Variants in GRIK1 observed in about 807,000 individuals in gnomAD.
GRIK1 encodes the protein glutamate ionotropic receptor kainate type subunit 1.
A neutral mutation model predicts 105.7 loss-of-function variants in GRIK1; 69 were observed. The ratio of observed to expected loss-of-function variants is 0.65; its 90% CI spans 0.54 to 0.80. The LOEUF (loss-of-function observed/expected upper bound fraction) is 0.80. GRIK1 is among the 30% of genes least tolerant of loss of function. GRIK1 has a pLI of 0.00. For synonymous variants in GRIK1, 438 were observed against 431.3 expected (o/e 1.02, Z -0.19); for missense variants, 1,109 against 1,167.3 (o/e 0.95, Z 0.73).
rs190755261 is a variant in GRIK1, at chr21:29,778,981, A to C, written c.119-84918T>G. 2.6e-5 allele frequency among the ~76,000 whole-genome samples: 4 copies of C among 152,334 alleles called. No individual in the cohort carries two copies. In the East Asian group the frequency reaches 7.7e-4, roughly 29 times the overall value. ...AATATTTTAAGGTCCTCTTCCTTGA[A>C]ATCTTCTATTTCGAATTGTGAGATA... On this transcript the variant is annotated intron_variant, in intron 1 of 17. Transcript: ENST00000327783.
At chr21:29,832,341 T>C (rs546024269) in intron 1 of GRIK1, among the ~76,000 whole-genome samples, 1 of 152,204 alleles carries the variant, frequency 6.6e-6, no homozygotes, top group Non-Finnish European at 1.5e-5. Context: ...CACTAGGTAT[T>C]GCCCTGGTGG....
chr21:29,742,197 A>G (rs1010654064), intron 1 of GRIK1, among the ~76,000 whole-genome samples: 3 of 152,222 alleles, frequency 2.0e-5, no homozygotes, highest in Admixed American at 6.5e-5. Context: ...ATTGAGTTCA[A>G]TTTATTTCTG....
At chr21:29,902,779 T>A (rs1321351441) in intron 1 of GRIK1, among the ~76,000 whole-genome samples, 1 of 151,980 alleles carries the variant, frequency 6.6e-6, no homozygotes, top group South Asian at 2.1e-4. Flanking sequence ...TGGAAAAAAC[T>A]ACTTTAAACT....
At chr21:29,625,636 T>C (rs1351649282) in intron 7 of GRIK1, among the ~76,000 whole-genome samples, 1 of 152,178 alleles carries the variant, frequency 6.6e-6, no homozygotes. Context: ...CCCCCATATC[T>C]GTTATAATGT....
intron 1 of GRIK1, among the ~76,000 whole-genome samples, chr21:29,903,379 T>C (rs552215098): frequency 9.3e-4 from 141 of 152,092 alleles, no homozygotes; most frequent in Non-Finnish European, 1.9e-3. Flanking sequence ...TTTCAATCTA[T>C]CCATCTGACA....
intron 7 of GRIK1, among the ~76,000 whole-genome samples, chr21:29,637,852 G>A (rs573734807): frequency 6.6e-6 from 1 of 152,326 alleles, no homozygotes; most frequent in South Asian, 2.1e-4. Flanking sequence ...GAACAATCAT[G>A]TGTGTGGTCT....
intron 1 of GRIK1, among the ~76,000 whole-genome samples, chr21:29,798,416 A>G (rs769594578): frequency 2.8e-4 from 42 of 152,248 alleles, no homozygotes; most frequent in Non-Finnish European, 4.6e-4. Context: ...GTTTAGCATA[A>G]CTTTAAACAC....
intron 10 of GRIK1, among the ~76,000 whole-genome samples, chr21:29,590,227 T>C (rs1054796496): frequency 2.0e-5 from 3 of 152,182 alleles, no homozygotes; most frequent in African/African-American, 4.8e-5. Context: ...ATAGAGAAAG[T>C]AGTAACCAGA....
chr21:29,745,247 A>T (rs1019818144), intron 1 of GRIK1, among the ~76,000 whole-genome samples: 7 of 152,184 alleles, frequency 4.6e-5, no homozygotes, highest in African/African-American at 1.7e-4. Context: ...AACGATCCTC[A>T]AGACTTGAAT....
intron 1 of GRIK1, among the ~76,000 whole-genome samples, chr21:29,938,419 G>T (rs1275720315): frequency 1.3e-5 from 2 of 152,218 alleles, no homozygotes; most frequent in Non-Finnish European, 2.9e-5. Flanking sequence ...GAGATTCAGC[G>T]AACAATAACT....
chr21:29,884,478 G>A (rs1294312173), intron 1 of GRIK1, among the ~76,000 whole-genome samples: 1 of 151,900 alleles, frequency 6.6e-6, no homozygotes, highest in Non-Finnish European at 1.5e-5. Flanking sequence ...TTGTATTATG[G>A]ACAGGGAAAC....
At chr21:29,798,769 G>A (rs1050441984) in intron 1 of GRIK1, among the ~76,000 whole-genome samples, 9 of 152,156 alleles carry the variant, frequency 5.9e-5, no homozygotes, top group South Asian at 2.1e-4. Flanking sequence ...CAGTATTAAC[G>A]TGCTGACAAA....
intron 1 of GRIK1, among the ~76,000 whole-genome samples, chr21:29,816,503 G>A (rs1176724922): frequency 1.3e-5 from 2 of 152,078 alleles, no homozygotes; most frequent in Admixed American, 6.6e-5. Context: ...GTTTATTGCA[G>A]CACTATTCAC....
At chr21:29,807,138 T>A (rs994431914) in intron 1 of GRIK1, among the ~76,000 whole-genome samples, 4 of 152,168 alleles carry the variant, frequency 2.6e-5, no homozygotes, top group Non-Finnish European at 4.4e-5. Flanking sequence ...CTTAAGTCTG[T>A]CTCAACAATT....
intron 7 of GRIK1, 114 bp downstream of exon 7, chr21:29,642,712 T>G (rs2062537142): frequency 9.3e-6 from 8 of 856,258 alleles, no homozygotes; most frequent in Non-Finnish European, 1.1e-5. Flanking sequence ...TGATGATGGC[T>G]TCCTCTCTCT....
chr21:29,560,473 C>T (rs2090423121), intron 15 of GRIK1, among the ~76,000 whole-genome samples: 4 of 113,550 alleles, frequency 3.5e-5, no homozygotes, highest in African/African-American at 9.5e-5. Flanking sequence ...CCTTTCCTTT[C>T]TCTCTCTCCC....
intron 1 of GRIK1, among the ~76,000 whole-genome samples, chr21:29,793,772 T>C (rs2066486764): frequency 6.6e-6 from 1 of 152,186 alleles, no homozygotes; most frequent in African/African-American, 2.4e-5. Flanking sequence ...AAATAAAGGC[T>C]CAGAAAATTT....
intron 6 of GRIK1, among the ~76,000 whole-genome samples, chr21:29,646,151 G>A (rs187720721): frequency 8.9e-4 from 135 of 152,196 alleles, no homozygotes; most frequent in Non-Finnish European, 1.2e-3. Context: ...ATTTTTGCTG[G>A]CCTAGGTCTC....
chr21:29,911,733 C>T (rs2070824378), intron 1 of GRIK1, among the ~76,000 whole-genome samples: 1 of 152,008 alleles, frequency 6.6e-6, no homozygotes, highest in South Asian at 2.1e-4. Context: ...CTCCCTCCTC[C>T]ATCATAGGAA....
Sources: allele counts gnomAD v4.1 joint callset (sites outside exome capture counted in the v4.1 genomes callset), GRCh38; gene constraint gnomAD v4.1.1; transcripts MANE v1.5; gene names NCBI Gene and HGNC (gene_info 2026-07-23, HGNC 2026-07-21).